Variants in ARHGAP44 observed in about 807,000 individuals in gnomAD.
ARHGAP44 encodes the protein rho GTPase-activating protein 44.
ARHGAP44 carries 43 observed loss-of-function variants against 106.8 expected under a neutral mutation model. The ratio of observed to expected loss-of-function variants is 0.40; its 90% CI spans 0.32 to 0.52. The LOEUF (loss-of-function observed/expected upper bound fraction) is 0.52. Ranked by LOEUF, ARHGAP44 falls within the 20% of genes least tolerant of loss-of-function variation. ARHGAP44 has a pLI of 0.48. For synonymous variants in ARHGAP44, 439 were observed against 410.3 expected (o/e 1.07, Z -0.85); for missense variants, 866 against 1,050.5 (o/e 0.82, Z 2.43).
At chr17:12,871,400 G>A (rs183427573) in intron 1 of ARHGAP44, among the ~76,000 whole-genome samples, 2 of 152,268 alleles carry the variant, frequency 1.3e-5, no homozygotes, top group African/African-American at 4.8e-5. Context: ...AAAGAAAAGG[G>A]GTTTAATTGG....
chr17:12,970,218 T>C (rs530872062), intron 16 of ARHGAP44, among the ~76,000 whole-genome samples: 4 of 151,750 alleles, frequency 2.6e-5, no homozygotes, highest in African/African-American at 9.7e-5. Context: ...TTATGAAAAT[T>C]AGCCAGATGT....
chr17:12,910,590 C>T (rs1036438872), intron 4 of ARHGAP44, among the ~76,000 whole-genome samples: 24 of 151,304 alleles, frequency 1.6e-4, no homozygotes, highest in East Asian at 7.9e-4. Context: ...GGATTATAGG[C>T]GGGTGCCACC....
At chr17:12,916,732 C>T (rs1013578530) in intron 5 of ARHGAP44, among the ~76,000 whole-genome samples, 4 of 152,182 alleles carry the variant, frequency 2.6e-5, no homozygotes, top group African/African-American at 9.6e-5. Flanking sequence ...TTAAAGGACA[C>T]TCAATTAAAC....
At chr17:12,989,693 T>C (rs748944575) in intron 20 of ARHGAP44, among the ~76,000 whole-genome samples, 1 of 152,062 alleles carries the variant, frequency 6.6e-6, no homozygotes, top group South Asian at 2.1e-4. Flanking sequence ...TCGTCTGATA[T>C]AGATCCCCAA....
At chr17:12,918,725 T>C (rs924530514) in intron 5 of ARHGAP44, among the ~76,000 whole-genome samples, 1 of 152,238 alleles carries the variant, frequency 6.6e-6, no homozygotes, top group African/African-American at 2.4e-5. Flanking sequence ...CTGTCCATTT[T>C]GCCTCAGGTC....
chr17:12,812,726 G>T (rs2034475399), intron 1 of ARHGAP44, among the ~76,000 whole-genome samples: 2 of 152,208 alleles, frequency 1.3e-5, no homozygotes, highest in South Asian at 4.1e-4. Flanking sequence ...ATCTCTGGAA[G>T]AATATAAAAA....
Position 12,872,939 on chromosome 17 carries a change from A to G in ARHGAP44, c.54-22001A>G, listed in dbSNP as rs1174201084. ...TTAAATTAGTCAATTCCGCGGTAAC[A>G]TTGTTTTGAAAACGTGGATTTATCC... On this transcript the variant is annotated intron_variant, in intron 1 of 20. Coordinates refer to ENST00000379672, the MANE Select transcript of ARHGAP44 (RefSeq NM_014859.6). 6.6e-5 allele frequency among the ~76,000 whole-genome samples: 10 copies of G among 152,274 alleles called. No individual in the cohort carries two copies. The East Asian group carries it at 1.9e-3, about 29-fold the overall frequency.
chr17:12,803,924 C>T (rs1199825957), intron 1 of ARHGAP44, among the ~76,000 whole-genome samples: 1 of 152,092 alleles, frequency 6.6e-6, no homozygotes, highest in Admixed American at 6.6e-5. Context: ...TAAGAAAACT[C>T]GTGATCATTT....
Position 12,952,780 on chromosome 17 carries a change from C to T in ARHGAP44, c.1136+199C>T, listed in dbSNP as rs558638962. 3.0e-5 allele frequency among the ~76,000 whole-genome samples: 4 copies of T among 131,272 alleles called. No individual in the cohort carries two copies. The South Asian group carries it at 1.1e-3, about 35-fold the overall frequency. The allele number at this position is 131,272 out of a possible 152,430, so 86.1% of individuals were successfully genotyped here. Reference sequence around the variant, plus strand: ...ACAGAGTCTCACTGTGTCGCCCAGGCTGGAGTACAGTGGGATGATCTCAGC... The same window carrying T: ...ACAGAGTCTCACTGTGTCGCCCAGGTTGGAGTACAGTGGGATGATCTCAGC... On this transcript the variant is annotated intron_variant, in intron 13 of 20. Coordinates refer to ENST00000379672, the MANE Select transcript of ARHGAP44 (RefSeq NM_014859.6).
intron 20 of ARHGAP44, among the ~76,000 whole-genome samples, chr17:12,989,299 CAA>C (rs921941307): frequency 1.4e-4 from 22 of 151,864 alleles, no homozygotes; most frequent in African/African-American, 5.3e-4. Context: ...CGTGGTGTGG[CAA>C]AGAGGCTTCG....
intron 17 of ARHGAP44, 57 bp downstream of exon 17, chr17:12,973,376 T>C: frequency 6.4e-7 from 1 of 1,564,416 alleles, no homozygotes. Flanking sequence ...CTGAGCCACC[T>C]ATGCATCGTA....
At chr17:12,857,017 C>A (rs943646368) in intron 1 of ARHGAP44, among the ~76,000 whole-genome samples, 36 of 152,030 alleles carry the variant, frequency 2.4e-4, no homozygotes, top group Admixed American at 2.3e-3. Context: ...TCTCTCTTCC[C>A]ACCTCTTGCC....
chr17:12,960,295 C>A (rs533728490), intron 16 of ARHGAP44, among the ~76,000 whole-genome samples: 12 of 152,152 alleles, frequency 7.9e-5, no homozygotes, highest in South Asian at 4.2e-4. Flanking sequence ...CTCAGCTGGG[C>A]GCGGTGGCTC....
At chr17:12,955,842 C>T (rs1276241693) in intron 13 of ARHGAP44, 25 bp from the exon 14 acceptor site, 3 of 1,506,332 alleles carry the variant, frequency 2.0e-6, no homozygotes, top group Admixed American at 3.5e-5. Flanking sequence ...CTTGGTTAAA[C>T]CTGGCCCTTC....
intron 7 of ARHGAP44, among the ~76,000 whole-genome samples, chr17:12,931,841 T>TACAC (rs10522083): frequency 0.026 from 3,861 of 146,378 alleles, 115 homozygotes; most frequent in African/African-American, 0.081. Flanking sequence ...ACAGTAGGGA[T>TACAC]ACACACACAC....
At chr17:12,862,828 C>G (rs2036126829) in intron 1 of ARHGAP44, among the ~76,000 whole-genome samples, 1 of 151,774 alleles carries the variant, frequency 6.6e-6, no homozygotes, top group Non-Finnish European at 1.5e-5. Context: ...GATCCTGTCT[C>G]TATAAAAATA....
intron 1 of ARHGAP44, among the ~76,000 whole-genome samples, chr17:12,831,379 G>A (rs553307322): frequency 6.6e-6 from 1 of 152,288 alleles, no homozygotes; most frequent in East Asian, 1.9e-4. Flanking sequence ...TGTTAAAGTG[G>A]TAGGGGCAGT....
In ARHGAP44 at chr17:12,974,260, C is replaced by A; in HGVS notation, c.1713C>A (p.Pro571=). The A allele has an allele frequency of 1.3e-6, 2 of 1,510,710 alleles. No homozygotes were observed. The highest frequency in any genetic ancestry group is 1.8e-6 in the Non-Finnish European group (2 of 1,132,146). 93.6% of individuals were successfully genotyped at this position (1,510,710 alleles called of 1,614,324 possible). The change falls in exon 18 of 21, where the codon CCC becomes CCA. Residue 571 remains proline (P), a synonymous_variant. Coordinates refer to ENST00000379672, the MANE Select transcript of ARHGAP44 (RefSeq NM_014859.6). ...PEQPLDSPAA[P]ALSPSGLGLQ... ...AGCCCCTGGACAGCCCCGCGGCCCC[C>A]GCGCTCTCTCCATCCGGCCTGGGCC...
rs753853506 is a variant in ARHGAP44, at chr17:12,984,620, G to T, written c.2029G>T (p.Val677Phe). 8.1e-6 allele frequency: 13 copies of T among 1,611,322 alleles called. No homozygotes were observed. The change falls in exon 20 of 21, where the codon GTC becomes TTC. Residue 677 changes from valine (V) to phenylalanine (F), a missense_variant. This residue lies in a region of ARHGAP44 where 418 missense variants were observed against 403.6 expected (regional missense o/e 1.04). Coordinates refer to ENST00000379672, the MANE Select transcript of ARHGAP44 (RefSeq NM_014859.6). ...ADQSAGQPSP[V>F]SLSPTPPSTP... Reference sequence around the variant, plus strand: ...CCAGTCCGCTGGCCAGCCGTCCCCAGTCAGCCTGTCCCCCACCCCGCCCAG... The same window carrying T: ...CCAGTCCGCTGGCCAGCCGTCCCCATTCAGCCTGTCCCCCACCCCGCCCAG...
Sources: allele counts gnomAD v4.1 joint callset (sites outside exome capture counted in the v4.1 genomes callset), GRCh38; gene constraint gnomAD v4.1.1; regional missense constraint gnomAD v4.1.1; transcripts MANE v1.5; gene names NCBI Gene and HGNC (gene_info 2026-07-23, HGNC 2026-07-21).